Variants in ASIC2 observed in about 807,000 individuals in gnomAD.
ASIC2 encodes the protein acid sensing ion channel subunit 2.
Under a neutral mutation model 57.3 loss-of-function variants are expected in ASIC2, and 25 were observed. That is an observed-to-expected ratio of 0.44 (90% CI 0.32 to 0.61). The LOEUF (loss-of-function observed/expected upper bound fraction) is 0.61, where lower values mean the gene tolerates loss of function less well. ASIC2 is among the 20% of genes least tolerant of loss of function. ASIC2 has a pLI of 0.06. For synonymous variants in ASIC2, 319 were observed against 307.5 expected (o/e 1.04, Z -0.39); for missense variants, 641 against 738.1 (o/e 0.87, Z 1.52).
chr17:33,678,313 T>C (rs531524359), intron 1 of ASIC2, among the ~76,000 whole-genome samples: 1 of 152,280 alleles, frequency 6.6e-6, no homozygotes, highest in East Asian at 1.9e-4. Context: ...ATTGACTTTA[T>C]TGTGGTGATC....
At chr17:33,989,544 C>T (rs562649462) in intron 1 of ASIC2, among the ~76,000 whole-genome samples, 3 of 152,136 alleles carry the variant, frequency 2.0e-5, no homozygotes, top group Non-Finnish European at 2.9e-5. Context: ...GTGGTAGGCA[C>T]GCCTTGGTCC....
intron 1 of ASIC2, among the ~76,000 whole-genome samples, chr17:33,662,647 A>G (rs1208927302): frequency 7.1e-6 from 1 of 141,180 alleles, no homozygotes; most frequent in African/African-American, 2.7e-5. Flanking sequence ...AAATAAATAA[A>G]TAAATAAATA....
intron 1 of ASIC2, among the ~76,000 whole-genome samples, chr17:33,367,672 A>T (rs765516165): frequency 6.6e-6 from 1 of 152,202 alleles, no homozygotes; most frequent in African/African-American, 2.4e-5. Flanking sequence ...TCTCAGCATC[A>T]TTAACAGGCT....
chr17:33,580,082 C>A (rs535042623), intron 1 of ASIC2: 2 of 152,216 alleles, frequency 1.3e-5, no homozygotes, highest in African/African-American at 4.8e-5. Context: ...ACCCAGAAGG[C>A]CAGCTGGCTT....
intron 7 of ASIC2, 116 bp downstream of exon 7, chr17:33,021,103 G>A (rs944905100): frequency 2.9e-6 from 2 of 700,548 alleles, no homozygotes; most frequent in African/African-American, 3.6e-5. Flanking sequence ...TAAATCAAAA[G>A]GTTAGACTCC....
rs550389149 is a variant in ASIC2, at chr17:33,725,484, C to G, written c.555+430494G>C. ...CTGATTGTCCGTCCCAGCTCTATTA[C>G]TTGGTTAAGTATGGTCTTTCAGAAG... On this transcript the variant is annotated intron_variant, in intron 1 of 9. Transcript: ENST00000359872. 5.8e-4 allele frequency among the ~76,000 whole-genome samples: 89 copies of G among 152,296 alleles called. No homozygotes were observed. The South Asian group carries it at 0.017, about 29-fold the overall frequency.
At chr17:33,476,024 A>G (rs917740880) in intron 1 of ASIC2, among the ~76,000 whole-genome samples, 7 of 152,226 alleles carry the variant, frequency 4.6e-5, no homozygotes, top group Admixed American at 2.6e-4. Context: ...AGCCCTGTTC[A>G]CTAAGTAAGG....
intron 1 of ASIC2, among the ~76,000 whole-genome samples, chr17:33,847,292 G>A (rs930121142): frequency 6.6e-6 from 1 of 151,868 alleles, no homozygotes; most frequent in African/African-American, 2.4e-5. Flanking sequence ...AGTGGGGAGA[G>A]TAACACCCTG....
chr17:33,150,088 G>C (rs1904724013), intron 1 of ASIC2, among the ~76,000 whole-genome samples: 1 of 152,164 alleles, frequency 6.6e-6, no homozygotes, highest in Admixed American at 6.5e-5. Flanking sequence ...TCAAGTTTAG[G>C]GAGTTGGCAG....
intron 1 of ASIC2, among the ~76,000 whole-genome samples, chr17:33,259,752 T>C (rs748911494): frequency 5.9e-5 from 9 of 152,208 alleles, no homozygotes; most frequent in Non-Finnish European, 1.2e-4. Flanking sequence ...GCAATCCTCC[T>C]TCTGGTCTCA....
chr17:33,220,533 C>T (rs1258221385), intron 1 of ASIC2, among the ~76,000 whole-genome samples: 2 of 152,210 alleles, frequency 1.3e-5, no homozygotes, highest in African/African-American at 4.8e-5. Context: ...ATTATAGCAT[C>T]TGTATGACCT....
chr17:33,266,104 C>A (rs1471933653), intron 1 of ASIC2, among the ~76,000 whole-genome samples: 1 of 152,208 alleles, frequency 6.6e-6, no homozygotes, highest in Non-Finnish European at 1.5e-5. Flanking sequence ...CTGTTTGACA[C>A]CTTGCCATTC....
intron 1 of ASIC2, among the ~76,000 whole-genome samples, chr17:33,394,257 G>C (rs1364113926): frequency 6.6e-6 from 1 of 152,216 alleles, no homozygotes; most frequent in Non-Finnish European, 1.5e-5. Flanking sequence ...CCTAGCATCT[G>C]TTATAGAGGG....
intron 1 of ASIC2, among the ~76,000 whole-genome samples, chr17:33,686,708 T>C (rs1221502535): frequency 6.6e-6 from 1 of 152,214 alleles, no homozygotes; most frequent in East Asian, 1.9e-4. Flanking sequence ...GCTCCTGGAA[T>C]TGGCCTTGTC....
intron 1 of ASIC2, among the ~76,000 whole-genome samples, chr17:33,398,490 G>A (rs1239841205): frequency 2.6e-5 from 4 of 152,110 alleles, no homozygotes; most frequent in Admixed American, 1.3e-4. Context: ...TGATGCTGAC[G>A]ATAATAGTAA....
chr17:33,748,681 A>G (rs1374718696), intron 1 of ASIC2, among the ~76,000 whole-genome samples: 1 of 152,176 alleles, frequency 6.6e-6, no homozygotes, highest in Non-Finnish European at 1.5e-5. Flanking sequence ...TCTGGGCCAC[A>G]TGAGAATAGA....
At chr17:33,107,308 T>C (rs2092238956) in intron 2 of ASIC2, among the ~76,000 whole-genome samples, 1 of 152,262 alleles carries the variant, frequency 6.6e-6, no homozygotes, top group Admixed American at 6.5e-5. Flanking sequence ...CAAAGGCATT[T>C]GGGAAATAAA....
chr17:33,384,188 T>C (rs558170168), intron 1 of ASIC2, among the ~76,000 whole-genome samples: 1 of 152,304 alleles, frequency 6.6e-6, no homozygotes, highest in African/African-American at 2.4e-5. Flanking sequence ...CCAAGAAACC[T>C]AGGGAATGTT....
At chr17:33,124,426 C>T (rs2092315575) in intron 1 of ASIC2, among the ~76,000 whole-genome samples, 1 of 152,154 alleles carries the variant, frequency 6.6e-6, no homozygotes, top group South Asian at 2.1e-4. Context: ...ATTGATTGAT[C>T]ACAATGCTCT....
Sources: gnomAD v4.1 joint callset for allele counts (sites outside exome capture counted in the v4.1 genomes callset) on GRCh38, gnomAD v4.1.1 for gene constraint, MANE v1.5 for transcripts, NCBI Gene and HGNC (gene_info 2026-07-23, HGNC 2026-07-21) for gene names.